The following CNKSR3 variants were observed in gnomAD, a reference collection of about 807,000 sequenced individuals.
CNKSR3 encodes connector enhancer of kinase suppressor of ras 3.
CNKSR3 carries 36 observed loss-of-function variants against 67.7 expected under a neutral mutation model. The observed-to-expected ratio is 0.53, with a 90% CI of 0.41 to 0.70. The LOEUF (loss-of-function observed/expected upper bound fraction) is 0.70. Ranked by LOEUF, CNKSR3 falls within the 30% of genes least tolerant of loss-of-function variation. The probability of loss-of-function intolerance (pLI) is 0.00; values close to 1 mark genes in which losing one functional copy is unlikely to be tolerated. For synonymous variants in CNKSR3, 281 were observed against 271.4 expected (o/e 1.04, Z -0.35); for missense variants, 630 against 695.2 (o/e 0.91, Z 1.05).
intron 2 of CNKSR3, among the ~76,000 whole-genome samples, chr6:154,446,987 GT>G (rs1029713770): frequency 1.1e-4 from 17 of 152,038 alleles, no homozygotes; most frequent in African/African-American, 2.9e-4. Flanking sequence ...TGTATTTTTA[GT>G]AAAGACAGTG....
intron 1 of CNKSR3, among the ~76,000 whole-genome samples, chr6:154,508,571 T>A (rs1361361173): frequency 6.6e-6 from 1 of 152,346 alleles, no homozygotes. Flanking sequence ...TTTGGCAGCA[T>A]CTTGAATGGA....
At chr6:154,407,918 G>T (rs147292335) in intron 12 of CNKSR3, among the ~76,000 whole-genome samples, 1 of 141,026 alleles carries the variant, frequency 7.1e-6, no homozygotes, top group Non-Finnish European at 1.5e-5. Context: ...ACAGTGGCAC[G>T]TTGAATAAAT....
chr6:154,500,436 G>A (rs1786974060), intron 1 of CNKSR3, among the ~76,000 whole-genome samples: 1 of 152,112 alleles, frequency 6.6e-6, no homozygotes, highest in African/African-American at 2.4e-5. Flanking sequence ...TAGAAAGCAC[G>A]TAGGGGTTTT....
intron 1 of CNKSR3, among the ~76,000 whole-genome samples, chr6:154,454,138 GAGAGAGAT>G (rs1785901942): frequency 9.5e-6 from 1 of 105,280 alleles, no homozygotes; most frequent in Admixed American, 1.1e-4. Context: ...GAGAGAGAGA[GAGAGAGAT>G]AAGAGCCCGC....
In CNKSR3 at chr6:154,401,110, A is replaced by AT; in HGVS notation, c.*5243dup. Reference sequence around the variant, plus strand: ...CCAGTTTTAAAATAGATTTTAAAATATTCACCTTCCAGCTGATTAGCATGA... The same window carrying AT: ...CCAGTTTTAAAATAGATTTTAAAATATTTCACCTTCCAGCTGATTAGCATGA... On this transcript the variant is annotated 3_prime_UTR_variant, in exon 13 of 13. Transcript: ENST00000607772. 1 of 152,352 alleles carries AT rather than the reference A, an allele frequency of 6.6e-6. No individual in the cohort carries two copies. The highest frequency in any genetic ancestry group is 2.1e-4 in the South Asian group (1 of 4,828). The allele number at this position is 152,352 out of a possible 1,614,324, so 9.4% of individuals were successfully genotyped here.
At chr6:154,415,118 A>AC (rs1784994547) in intron 9 of CNKSR3, among the ~76,000 whole-genome samples, 1 of 150,262 alleles carries the variant, frequency 6.7e-6, no homozygotes, top group African/African-American at 2.4e-5. Flanking sequence ...AAAAAAAAAA[A>AC]AAAACAAGAA....
At chr6:154,446,406 C>T (rs1785707131) in intron 2 of CNKSR3, among the ~76,000 whole-genome samples, 1 of 152,136 alleles carries the variant, frequency 6.6e-6, no homozygotes. Context: ...TAAGAGACAA[C>T]CTAAGAAATA....
chr6:154,486,091 G>A (rs528958031), intron 1 of CNKSR3, among the ~76,000 whole-genome samples: 1 of 152,310 alleles, frequency 6.6e-6, no homozygotes, highest in South Asian at 2.1e-4. Context: ...TAAAACAAGA[G>A]ATATGGCCTT....
chr6:154,480,469 T>C (rs1021405387), intron 1 of CNKSR3, among the ~76,000 whole-genome samples: 1 of 152,162 alleles, frequency 6.6e-6, no homozygotes, highest in African/African-American at 2.4e-5. Flanking sequence ...GGCAGGCAGG[T>C]AAAGCCTTTG....
In CNKSR3 at chr6:154,433,437, TTACAATAACTTTTAGAATGTA is replaced by T. The variant is rs756509534; in HGVS notation, c.549+8_549+28del. On this transcript the variant is annotated splice_region_variant and intron_variant, in intron 5 of 12. Transcript: ENST00000607772. ...TCCCACTGCCTTTGGAAAATGAATT[TTACAATAACTTTTAGAATGTA>T]TACTTACCACAGTTAAAACTTTATC... 1 of 1,496,344 alleles carries T rather than the reference TTACAATAACTTTTAGAATGTA, an allele frequency of 6.7e-7. No individual in the cohort carries two copies. The highest frequency in any genetic ancestry group is 1.2e-5 in the South Asian group (1 of 84,810). 92.7% of individuals were successfully genotyped at this position (1,496,344 alleles called of 1,614,324 possible).
chr6:154,400,808 C>T lies in CNKSR3; in HGVS notation c.*5546G>A, dbSNP rs947798877. ...AATTAGCACACTTCTGGCAATAATT[C>T]TGGCCCCAAATAAATAGAAACTTTA... On this transcript the variant is annotated 3_prime_UTR_variant, in exon 13 of 13. Coordinates refer to ENST00000607772, the MANE Select transcript of CNKSR3 (RefSeq NM_173515.4). The T allele has an allele frequency of 1.3e-5, 2 of 152,180 alleles. No homozygotes were observed. The highest frequency in any genetic ancestry group is 4.8e-5 in the African/African-American group (2 of 41,448). 9.4% of individuals were successfully genotyped at this position (152,180 alleles called of 1,614,324 possible).
intron 9 of CNKSR3, among the ~76,000 whole-genome samples, chr6:154,417,449 T>C (rs1186346225): frequency 6.6e-6 from 1 of 152,196 alleles, no homozygotes; most frequent in Non-Finnish European, 1.5e-5. Flanking sequence ...TTAGTCTTTC[T>C]TTCACTGAAT....
At chr6:154,483,252 C>T (rs1295902923) in intron 1 of CNKSR3, among the ~76,000 whole-genome samples, 2 of 152,186 alleles carry the variant, frequency 1.3e-5, no homozygotes, top group Admixed American at 1.3e-4. Context: ...TTCATCATCA[C>T]GCCAGCCATC....
rs117507349 is a variant in CNKSR3 at position 154,397,633 on chromosome 6, G to T, written c.*8721C>A. 1 of 152,256 alleles carries T rather than the reference G, an allele frequency of 6.6e-6. No individual in the cohort carries two copies. Among genetic ancestry groups the T allele is most frequent in the Non-Finnish European group, 1.5e-5 (1 of 68,080 alleles). 9.4% of individuals were successfully genotyped at this position (152,256 alleles called of 1,614,324 possible). On this transcript the variant is annotated 3_prime_UTR_variant, in exon 13 of 13. Transcript: ENST00000607772. ...CAACTAGGTGCACAGTCCAGTGGGTGTGTGAGATGCATGCACAGGGCAGAC... is the reference window on the plus strand; with the variant it reads ...CAACTAGGTGCACAGTCCAGTGGGTTTGTGAGATGCATGCACAGGGCAGAC...
In CNKSR3 at chr6:154,433,513, G is replaced by A. The variant is rs200307599; in HGVS notation, c.508-6C>T. ...ATTTCCGCTACAAAGCAATCCTAAAGAAGGGGATGGAGAAAATGAATACTA... is the reference window on the plus strand; with the variant it reads ...ATTTCCGCTACAAAGCAATCCTAAAAAAGGGGATGGAGAAAATGAATACTA... On this transcript the variant is annotated splice_region_variant and splice_polypyrimidine_tract_variant and intron_variant, in intron 4 of 12. Coordinates refer to ENST00000607772, the MANE Select transcript of CNKSR3 (RefSeq NM_173515.4). 2.4e-3 allele frequency: 3,751 copies of A among 1,583,016 alleles called. 35 individuals are homozygous for A. The highest frequency in any genetic ancestry group is 0.016 in the South Asian group (1,393 of 88,064).
rs73574972 is a variant in CNKSR3 at position 154,451,426 on chromosome 6, G to T, written c.53-1168C>A. Among the ~76,000 whole-genome samples the T allele has an allele frequency of 5.9e-5, 9 of 152,260 alleles. 1 individual carries two copies. Among genetic ancestry groups the T allele is most frequent in the Admixed American group, 2.0e-4 (3 of 15,284 alleles). On this transcript the variant is annotated intron_variant, in intron 1 of 12. Coordinates refer to ENST00000607772, the MANE Select transcript of CNKSR3 (RefSeq NM_173515.4). ...ACAAAGAGTGAACACTCAATTTAAC[G>T]GGAAAAGTATGTAGAAAGCATGCTG... is the stretch of plus-strand genomic sequence containing the variant.
At chr6:154,492,757 AAC>A (rs1392009760) in intron 1 of CNKSR3, among the ~76,000 whole-genome samples, 8 of 150,122 alleles carry the variant, frequency 5.3e-5, no homozygotes, top group African/African-American at 2.0e-4. Flanking sequence ...AAAAAAAAAA[AAC>A]AAAAAACAAA....
At chr6:154,410,830 A>T in intron 11 of CNKSR3, 104 bp downstream of exon 11, 2 of 824,458 alleles carry the variant, frequency 2.4e-6, no homozygotes, top group Non-Finnish European at 3.9e-6. Flanking sequence ...TCCTCAGATT[A>T]CTCTTGAAGT....
At position 154,402,741 on chromosome 6, in the gene CNKSR3, G is replaced by A. The variant is rs1384005723; in HGVS notation, c.*3613C>T. ...TATCTAAAGAATTGGCCACATTTTA[G>A]AAAATCATACTGCTGACATCGACCC... On this transcript the variant is annotated 3_prime_UTR_variant, in exon 13 of 13. Coordinates refer to ENST00000607772, the MANE Select transcript of CNKSR3 (RefSeq NM_173515.4). 6.6e-6 allele frequency: 1 copy of A among 152,184 alleles called. No homozygotes were observed. The highest frequency in any genetic ancestry group is 1.5e-5 in the Non-Finnish European group (1 of 68,032). 9.4% of individuals were successfully genotyped at this position (152,184 alleles called of 1,614,324 possible). A position where few individuals can be genotyped will look rare whatever the true frequency, so the allele number is the denominator to read the frequency against.
Sources: allele counts gnomAD v4.1 joint callset (sites outside exome capture counted in the v4.1 genomes callset), GRCh38; gene constraint gnomAD v4.1.1; transcripts MANE v1.5; gene names NCBI Gene and HGNC (gene_info 2026-07-23, HGNC 2026-07-21).